The following ALK variants were observed in gnomAD, a reference collection of about 807,000 sequenced individuals.
The protein encoded by ALK is ALK tyrosine kinase receptor.
A neutral mutation model predicts 163.1 loss-of-function variants in ALK; 74 were observed. That is an observed-to-expected ratio of 0.45 (90% CI 0.38 to 0.55). ALK has a LOEUF of 0.55. Among genes scored for constraint, ALK ranks in the 20% least tolerant of loss-of-function variants. The pLI is 0.00. For synonymous variants in ALK, 960 were observed against 843.2 expected (o/e 1.14, Z -2.40); for missense variants, 2,063 against 2,105.3 (o/e 0.98, Z 0.39).
chr2:29,585,621 C>G (rs907055620), intron 3 of ALK, among the ~76,000 whole-genome samples: 2 of 152,096 alleles, frequency 1.3e-5, no homozygotes, highest in African/African-American at 4.8e-5. Flanking sequence ...AGCCACTGTG[C>G]CCACCCTGTC....
At chr2:29,759,150 G>T (rs1680628613) in intron 1 of ALK, among the ~76,000 whole-genome samples, 1 of 152,150 alleles carries the variant, frequency 6.6e-6, no homozygotes. Flanking sequence ...CAGTTGGAAT[G>T]CAAGTCTGCA....
At chr2:29,839,613 C>T (rs1355534425) in intron 1 of ALK, among the ~76,000 whole-genome samples, 1 of 152,154 alleles carries the variant, frequency 6.6e-6, no homozygotes, top group African/African-American at 2.4e-5. Flanking sequence ...TCGCCATTCC[C>T]AGCCCTTGGC....
chr2:29,305,701 T>C (rs1336952750), intron 8 of ALK, among the ~76,000 whole-genome samples: 3 of 152,208 alleles, frequency 2.0e-5, no homozygotes, highest in East Asian at 1.9e-4. Context: ...CTGGGTGGCC[T>C]ACAGCAGAGG....
chr2:29,736,058 G>T (rs939939292), intron 1 of ALK, among the ~76,000 whole-genome samples: 2 of 152,030 alleles, frequency 1.3e-5, no homozygotes, highest in African/African-American at 4.8e-5. Context: ...GCATCAGAAT[G>T]ACAGCCCAGG....
At chr2:29,844,882 C>CACAA (rs1285269528) in intron 1 of ALK, among the ~76,000 whole-genome samples, 2 of 132,108 alleles carry the variant, frequency 1.5e-5, no homozygotes, top group East Asian at 4.3e-4. Flanking sequence ...CACACACACA[C>CACAA]ACACACAGAG....
intron 3 of ALK, among the ~76,000 whole-genome samples, chr2:29,600,815 G>A (rs1209705088): frequency 1.3e-5 from 2 of 152,198 alleles, no homozygotes; most frequent in African/African-American, 4.8e-5. Flanking sequence ...TTGGTGGGTG[G>A]AGGAGTAGGA....
intron 4 of ALK, among the ~76,000 whole-genome samples, chr2:29,455,925 G>C (rs1670939675): frequency 1.3e-5 from 2 of 152,136 alleles, no homozygotes; most frequent in South Asian, 4.1e-4. Flanking sequence ...TCCTAGCATT[G>C]TGGGGGTGCA....
At chr2:29,700,160 G>A (rs1410620332) in intron 2 of ALK, among the ~76,000 whole-genome samples, 1 of 152,200 alleles carries the variant, frequency 6.6e-6, no homozygotes, top group Admixed American at 6.5e-5. Context: ...ACAAGGACTT[G>A]TTGTCATCCC....
At chr2:29,701,022 C>T (rs1678716725) in intron 2 of ALK, among the ~76,000 whole-genome samples, 1 of 152,190 alleles carries the variant, frequency 6.6e-6, no homozygotes, top group African/African-American at 2.4e-5. Flanking sequence ...CCAACCGGGG[C>T]CATGTACCAG....
At chr2:29,685,112 C>T (rs1305725517) in intron 3 of ALK, among the ~76,000 whole-genome samples, 1 of 152,156 alleles carries the variant, frequency 6.6e-6, no homozygotes, top group Non-Finnish European at 1.5e-5. Context: ...AAGCACTTTA[C>T]AGTCTGCAAC....
intron 4 of ALK, among the ~76,000 whole-genome samples, chr2:29,477,255 C>G (rs1671549235): frequency 1.3e-5 from 2 of 152,194 alleles, no homozygotes; most frequent in African/African-American, 4.8e-5. Context: ...CCTCATCCCA[C>G]TACCCAGAGG....
chr2:29,878,653 G>A (rs1466285060), intron 1 of ALK, among the ~76,000 whole-genome samples: 1 of 152,152 alleles, frequency 6.6e-6, no homozygotes, highest in Non-Finnish European at 1.5e-5. Context: ...TTCCTTGGAG[G>A]ATAAACAAGT....
intron 1 of ALK, among the ~76,000 whole-genome samples, chr2:29,796,669 G>A (rs796217479): frequency 6.6e-6 from 1 of 152,166 alleles, no homozygotes; most frequent in African/African-American, 2.4e-5. Context: ...CTTTGGAGTT[G>A]TTTAAACTCG....
At chr2:29,676,185 C>G (rs1265217469) in intron 3 of ALK, among the ~76,000 whole-genome samples, 1 of 152,010 alleles carries the variant, frequency 6.6e-6, no homozygotes, top group South Asian at 2.1e-4. Flanking sequence ...TTTTAGAACA[C>G]AAAAGTTTTA....
chr2:29,755,437 A>G (rs1417432392), intron 1 of ALK, among the ~76,000 whole-genome samples: 1 of 152,174 alleles, frequency 6.6e-6, no homozygotes, highest in Non-Finnish European at 1.5e-5. Flanking sequence ...TTCTCCACGG[A>G]CCTATTTTAC....
intron 3 of ALK, among the ~76,000 whole-genome samples, chr2:29,591,458 G>A (rs1449582948): frequency 6.6e-6 from 1 of 152,220 alleles, no homozygotes; most frequent in Non-Finnish European, 1.5e-5. Context: ...ACGTAGGCAA[G>A]TGGGCATGGC....
At chr2:29,722,564 T>C (rs972115796) in intron 1 of ALK, among the ~76,000 whole-genome samples, 4 of 152,214 alleles carry the variant, frequency 2.6e-5, no homozygotes, top group African/African-American at 9.6e-5. Flanking sequence ...CTGTGGGATC[T>C]TTATTTTATT....
intron 4 of ALK, among the ~76,000 whole-genome samples, chr2:29,507,339 A>G (rs6547938): frequency 1 from 151,775 of 152,278 alleles, 75,639 homozygotes; most frequent in Non-Finnish European, 1. Flanking sequence ...TCATATAGAC[A>G]GAAAGTATAG....
intron 1 of ALK, among the ~76,000 whole-genome samples, chr2:29,862,984 G>A (rs951637733): frequency 6.6e-6 from 1 of 152,124 alleles, no homozygotes; most frequent in Non-Finnish European, 1.5e-5. Context: ...ATTGATCTTT[G>A]ACAAAGGTAC....
Sources: gnomAD v4.1 joint callset for allele counts (sites outside exome capture counted in the v4.1 genomes callset) on GRCh38, gnomAD v4.1.1 for gene constraint, MANE v1.5 for transcripts, NCBI Gene and HGNC (gene_info 2026-07-23, HGNC 2026-07-21) for gene names.